The following ERICH6B variants were observed in gnomAD, a reference collection of about 807,000 sequenced individuals.
ERICH6B encodes the protein glutamate-rich protein 6B.
Under a neutral mutation model 80.0 loss-of-function variants are expected in ERICH6B, and 69 were observed. That is an observed-to-expected ratio of 0.86 (90% CI 0.71 to 1.05). The LOEUF (loss-of-function observed/expected upper bound fraction) is 1.05. ERICH6B is among the 50% of genes least tolerant of loss of function. The probability of loss-of-function intolerance (pLI) is 0.00; values close to 1 mark genes in which losing one functional copy is unlikely to be tolerated. For missense variants in ERICH6B, 754 were observed against 796.1 expected (o/e 0.95, Z 0.64); for synonymous variants, 283 against 291.9 (o/e 0.97, Z 0.31).
intron 11 of ERICH6B, among the ~76,000 whole-genome samples, chr13:45,557,301 T>C (rs1874482370): frequency 6.6e-6 from 1 of 152,158 alleles, no homozygotes; most frequent in South Asian, 2.1e-4. Context: ...TGCTAATTTG[T>C]TTGAGTTTGT....
intron 3 of ERICH6B, among the ~76,000 whole-genome samples, chr13:45,593,821 T>C (rs1876252654): frequency 6.6e-6 from 1 of 152,214 alleles, no homozygotes; most frequent in Non-Finnish European, 1.5e-5. Flanking sequence ...CCCTCAAAAT[T>C]CTTCTCAACA....
In ERICH6B at chr13:45,596,790, C is replaced by T. The variant is rs188748256; in HGVS notation, c.216G>A (p.Glu72=). Residue 72 remains glutamate, a synonymous_variant, in exon 3 of 15, where the codon GAG becomes GAA. Coordinates refer to ENST00000298738, the MANE Select transcript of ERICH6B (RefSeq NM_182542.3). ...LEEEEDLEEE[E]YLGKEEYLKE... ...TCAAGTATTCTTCTTTCCCCAGATA[C>T]TCTTCCTCTTCCAGATCCTCTTCCT... 4.4e-3 allele frequency: 6,858 copies of T among 1,551,806 alleles called. 12 individuals carry two copies. Among genetic ancestry groups the T allele is most frequent in the Non-Finnish European group, 5.5e-3 (6,342 of 1,147,020 alleles).
In ERICH6B at chr13:45,544,858, C is replaced by A. The variant is rs1365845363; in HGVS notation, c.1774G>T (p.Glu592Ter). 4 of 1,551,574 alleles carry A rather than the reference C, an allele frequency of 2.6e-6. No homozygotes were observed. The highest frequency in any genetic ancestry group is 3.5e-6 in the Non-Finnish European group (4 of 1,147,002). The stretch of plus-strand genomic sequence containing the variant: ...CTCCTTATTTGTACCTGGATGTACT[C>A]ATTGATTTTCAAGGAGATGGGCTGG... ...PVQPISLKIN[E>*]YIQVQIRSQD... The change falls in exon 14 of 15, where the codon GAG becomes TAG. Residue 592 changes from glutamate to a stop codon, truncating the protein, a stop_gained. Coordinates refer to ENST00000298738, the MANE Select transcript of ERICH6B (RefSeq NM_182542.3). LOFTEE classifies it high-confidence loss of function.
intron 11 of ERICH6B, among the ~76,000 whole-genome samples, chr13:45,553,693 C>G (rs1043278513): frequency 6.6e-6 from 1 of 152,178 alleles, no homozygotes; most frequent in Non-Finnish European, 1.5e-5. Context: ...GAGAGCCAGG[C>G]TCCAGCAATC....
intron 11 of ERICH6B, among the ~76,000 whole-genome samples, chr13:45,550,663 G>T (rs1381684328): frequency 6.6e-6 from 1 of 152,116 alleles, no homozygotes; most frequent in Non-Finnish European, 1.5e-5. Flanking sequence ...GAAATCAAAG[G>T]GTCCCCAGGG....
intron 11 of ERICH6B, among the ~76,000 whole-genome samples, chr13:45,556,992 T>C (rs1018987701): frequency 6.6e-6 from 1 of 152,222 alleles, no homozygotes; most frequent in African/African-American, 2.4e-5. Context: ...GTTCTACTTT[T>C]AGTTCTTTAA....
intron 10 of ERICH6B, 39 bp from the exon 11 acceptor site, chr13:45,561,565 G>T (rs1397992375): frequency 1.3e-6 from 2 of 1,542,720 alleles, no homozygotes; most frequent in East Asian, 2.5e-5. Flanking sequence ...ATAAGATTTT[G>T]GTGGGAAAGA....
intron 10 of ERICH6B, among the ~76,000 whole-genome samples, chr13:45,562,664 A>G (rs943697367): frequency 1.3e-5 from 2 of 152,164 alleles, no homozygotes; most frequent in South Asian, 2.1e-4. Flanking sequence ...ATGAGAGCTC[A>G]TGGGAGGGAA....
chr13:45,606,524 TATATATATATATATATATA>T (rs1949863376), intron 2 of ERICH6B, among the ~76,000 whole-genome samples: 7 of 33,334 alleles, frequency 2.1e-4, no homozygotes, highest in African/African-American at 6.8e-4. Flanking sequence ...TATATATATA[TATATATATATATATATATA>T]TATATTTTTT....
At chr13:45,583,030 G>T (rs1398192612) in intron 5 of ERICH6B, among the ~76,000 whole-genome samples, 1 of 152,136 alleles carries the variant, frequency 6.6e-6, no homozygotes, top group Non-Finnish European at 1.5e-5. Context: ...TATTCTCTCA[G>T]TACGTACAAA....
intron 13 of ERICH6B, among the ~76,000 whole-genome samples, chr13:45,548,828 A>C (rs1874093207): frequency 1.3e-5 from 2 of 152,260 alleles, no homozygotes; most frequent in Non-Finnish European, 2.9e-5. Flanking sequence ...GGGAGGGCAG[A>C]TACCTCCAGA....
chr13:45,546,856 G>A (rs1208411627), intron 13 of ERICH6B, among the ~76,000 whole-genome samples: 1 of 152,174 alleles, frequency 6.6e-6, no homozygotes, highest in East Asian at 1.9e-4. Flanking sequence ...CAGTGGGGAG[G>A]ACTTCCAGTC....
intron 1 of ERICH6B, among the ~76,000 whole-genome samples, chr13:45,612,085 C>T (rs1192563889): frequency 1.3e-5 from 2 of 152,196 alleles, no homozygotes; most frequent in Non-Finnish European, 2.9e-5. Context: ...TGTTACATTT[C>T]ATCTTGCAGG....
chr13:45,611,428 T>G (rs1453456711), intron 1 of ERICH6B, among the ~76,000 whole-genome samples: 1 of 152,242 alleles, frequency 6.6e-6, no homozygotes, highest in Non-Finnish European at 1.5e-5. Flanking sequence ...TTAAAGAAGC[T>G]TTCACACAAA....
chr13:45,571,438 G>A (rs899024427), intron 8 of ERICH6B, among the ~76,000 whole-genome samples: 2 of 151,906 alleles, frequency 1.3e-5, no homozygotes, highest in African/African-American at 4.8e-5. Context: ...AACCAAGAAA[G>A]CTCCTAGGCT....
rs1490171933 is a variant in ERICH6B, at chr13:45,596,933, G to A, written c.73C>T (p.Gln25Ter). ...TCCTCTTTCTCTGAAGGCAAGTTCT[G>A]TGTGGAATATTGGGGAGTTGTGGGA... ...HPPTTPQYST[Q>*]NLPSEKEDTE... Residue 25 changes from glutamine (Q) to a stop codon, truncating the protein, a stop_gained, in exon 3 of 15, where the codon CAG becomes TAG. Transcript: ENST00000298738. LOFTEE classifies it high-confidence loss of function. 3 of 1,551,790 alleles carry A rather than the reference G, an allele frequency of 1.9e-6. No individual in the cohort carries two copies. In the South Asian group the frequency reaches 3.6e-5, roughly 18 times the overall value.
At chr13:45,569,530 A>G (rs1875062333) in intron 8 of ERICH6B, among the ~76,000 whole-genome samples, 1 of 152,106 alleles carries the variant, frequency 6.6e-6, no homozygotes, top group African/African-American at 2.4e-5. Context: ...TGTGTTTTGG[A>G]TCCCTTTTGA....
intron 11 of ERICH6B, among the ~76,000 whole-genome samples, chr13:45,554,094 G>C (rs191296391): frequency 6.6e-6 from 1 of 152,214 alleles, no homozygotes; most frequent in Non-Finnish European, 1.5e-5. Flanking sequence ...TATTCCTCCT[G>C]TCTAGCGGAA....
intron 4 of ERICH6B, among the ~76,000 whole-genome samples, chr13:45,590,292 G>A (rs557196512): frequency 5.3e-5 from 8 of 151,912 alleles, no homozygotes; most frequent in Non-Finnish European, 7.4e-5. Context: ...ATTCTCTTCC[G>A]GGACAGACTA....
Sources: gnomAD v4.1 joint callset for allele counts (sites outside exome capture counted in the v4.1 genomes callset) on GRCh38, gnomAD v4.1.1 for gene constraint, MANE v1.5 for transcripts, NCBI Gene and HGNC (gene_info 2026-07-23, HGNC 2026-07-21) for gene names.